Variants in KHDRBS2 observed in about 807,000 individuals in gnomAD.
KHDRBS2 encodes KH domain-containing, RNA-binding, signal transduction-associated protein 2.
In KHDRBS2, 26 loss-of-function variants were observed where a neutral mutation model predicts 44.3. The observed-to-expected ratio is 0.59, with a 90% confidence interval of 0.43 to 0.81. The LOEUF is 0.81. Ranked by LOEUF, KHDRBS2 falls within the 40% of genes least tolerant of loss-of-function variation. KHDRBS2 has a pLI of 0.00. For missense variants in KHDRBS2, 476 were observed against 433.1 expected, an observed-to-expected ratio of 1.10 and a Z score of -0.88; for synonymous variants, 194 against 151.1, an observed-to-expected ratio of 1.28 and a Z score of -2.08.
chr6:62,066,990 G>A (rs1793884514), intron 2 of KHDRBS2, among the ~76,000 whole-genome samples: 1 of 151,466 alleles, frequency 6.6e-6, no homozygotes, highest in Non-Finnish European at 1.5e-5. Flanking sequence ...TCAGCAGTGG[G>A]AGTAAATTAA....
chr6:62,014,967 A>AT (rs1243800676), intron 3 of KHDRBS2, among the ~76,000 whole-genome samples: 1 of 152,074 alleles, frequency 6.6e-6, no homozygotes, highest in African/African-American at 2.4e-5. Flanking sequence ...TCTTATGTGG[A>AT]TTTTTTTACC....
intron 1 of KHDRBS2, among the ~76,000 whole-genome samples, chr6:62,266,899 G>A (rs1309544812): frequency 1.3e-5 from 2 of 151,960 alleles, no homozygotes; most frequent in Non-Finnish European, 2.9e-5. Flanking sequence ...ATTACAATTA[G>A]ACTAGCAAAC....
At chr6:62,116,050 T>C (rs1175295687) in intron 2 of KHDRBS2, among the ~76,000 whole-genome samples, 1 of 152,032 alleles carries the variant, frequency 6.6e-6, no homozygotes, top group African/African-American at 2.4e-5. Flanking sequence ...ACTTCAGATA[T>C]TTCATCATCA....
intron 6 of KHDRBS2, among the ~76,000 whole-genome samples, chr6:61,864,890 G>T (rs1045857648): frequency 6.6e-6 from 1 of 151,844 alleles, no homozygotes; most frequent in Admixed American, 6.6e-5. Context: ...TTCTTGATTG[G>T]TGTCTCTTTC....
At chr6:61,606,513 G>A in the KHDRBS2 span, among the ~76,000 whole-genome samples, 182 of 152,246 alleles carry the variant, frequency 1.2e-3, no homozygotes, top group Admixed American at 1.9e-3. Context: ...AGTGTGCGTG[G>A]AAGTCATACA....
intron 8 of KHDRBS2, 52 bp downstream of exon 8, chr6:61,697,143 G>T: frequency 9.0e-7 from 1 of 1,110,060 alleles, no homozygotes; most frequent in South Asian, 1.2e-5. Context: ...TTGAATTGTC[G>T]GTGACTGATG....
At chr6:61,558,708 ATTTG>A in the KHDRBS2 span, among the ~76,000 whole-genome samples, 4 of 151,980 alleles carry the variant, frequency 2.6e-5, no homozygotes, top group African/African-American at 9.7e-5. Context: ...TTTAATTTCC[ATTTG>A]TTTGTATAGT....
chr6:61,936,270 G>T (rs1349742700), intron 4 of KHDRBS2, among the ~76,000 whole-genome samples: 2 of 151,818 alleles, frequency 1.3e-5, no homozygotes, highest in African/African-American at 2.4e-5. Context: ...GTAATAATTT[G>T]GGAAATACAT....
At chr6:62,185,963 T>A (rs1037157332) in intron 1 of KHDRBS2, among the ~76,000 whole-genome samples, 1 of 151,972 alleles carries the variant, frequency 6.6e-6, no homozygotes, top group Non-Finnish European at 1.5e-5. Flanking sequence ...CTTGAACAAG[T>A]CACTTAAGCT....
intron 2 of KHDRBS2, among the ~76,000 whole-genome samples, chr6:62,089,340 G>A: frequency 6.6e-6 from 1 of 151,292 alleles, no homozygotes; most frequent in African/African-American, 2.4e-5. Context: ...TTTTGTGCTT[G>A]AAACCGAGGG....
chr6:61,638,129 C>A, the KHDRBS2 span, among the ~76,000 whole-genome samples: 6 of 152,066 alleles, frequency 3.9e-5, no homozygotes, highest in Middle Eastern at 3.2e-3. Flanking sequence ...CTACCAATGA[C>A]TTTCTTCTCA....
intron 1 of KHDRBS2, among the ~76,000 whole-genome samples, chr6:62,264,697 T>A (rs1219941798): frequency 1.3e-5 from 2 of 151,770 alleles, no homozygotes; most frequent in Non-Finnish European, 2.9e-5. Context: ...AGGGATTTAT[T>A]ACCACATCAT....
chr6:61,573,293 A>C, the KHDRBS2 span, among the ~76,000 whole-genome samples: 2 of 152,232 alleles, frequency 1.3e-5, no homozygotes, highest in Non-Finnish European at 2.9e-5. Context: ...GGAAAACTAC[A>C]AAACACTGCT....
intron 1 of KHDRBS2, among the ~76,000 whole-genome samples, chr6:62,264,776 A>G (rs1838925583): frequency 6.6e-6 from 1 of 151,768 alleles, no homozygotes; most frequent in African/African-American, 2.4e-5. Flanking sequence ...TATATTTATC[A>G]TCCAATTTAT....
At chr6:62,059,337 A>G (rs1413896946) in intron 2 of KHDRBS2, among the ~76,000 whole-genome samples, 2 of 149,648 alleles carry the variant, frequency 1.3e-5, no homozygotes, top group Non-Finnish European at 3.0e-5. Flanking sequence ...GGGCAGATGT[A>G]GTGGAGCAGG....
At chr6:62,258,639 T>G (rs1837821277) in intron 1 of KHDRBS2, among the ~76,000 whole-genome samples, 1 of 152,084 alleles carries the variant, frequency 6.6e-6, no homozygotes, top group South Asian at 2.1e-4. Flanking sequence ...ACATTCAGGC[T>G]ATGTGTATAA....
chr6:61,618,311 A>G, the KHDRBS2 span, among the ~76,000 whole-genome samples: 1 of 152,192 alleles, frequency 6.6e-6, no homozygotes, highest in Non-Finnish European at 1.5e-5. Flanking sequence ...ACCACTATAC[A>G]TGGAACATTC....
chr6:61,963,235 A>G (rs56974398), intron 4 of KHDRBS2, among the ~76,000 whole-genome samples: 65 of 152,178 alleles, frequency 4.3e-4, no homozygotes, highest in African/African-American at 1.5e-3. Flanking sequence ...AAATTATGGT[A>G]TTTAATGATA....
intron 7 of KHDRBS2, among the ~76,000 whole-genome samples, chr6:61,719,719 A>C (rs1249264049): frequency 1.3e-5 from 2 of 152,064 alleles, no homozygotes; most frequent in Admixed American, 1.3e-4. Flanking sequence ...TGTCATCTTT[A>C]CCAGTCATTA....
Sources: allele counts gnomAD v4.1 joint callset (sites outside exome capture counted in the v4.1 genomes callset), GRCh38; gene constraint gnomAD v4.1.1; transcripts MANE v1.5; gene names NCBI Gene and HGNC (gene_info 2026-07-23, HGNC 2026-07-21).